FHIT: variants seen among roughly 807,000 people sequenced by gnomAD.
FHIT encodes the protein bis(5'-adenosyl)-triphosphatase.
Under a neutral mutation model 17.9 loss-of-function variants are expected in FHIT, and 19 were observed. The ratio of observed to expected loss-of-function variants is 1.06; its 90% CI spans 0.74 to 1.56. The LOEUF (loss-of-function observed/expected upper bound fraction) is 1.56, where lower values mean the gene tolerates loss of function less well. FHIT is among the 40% of genes most tolerant of loss of function. FHIT has a pLI of 0.00. For missense variants in FHIT, 248 were observed against 189.2 expected (o/e 1.31, Z -1.82); for synonymous variants, 81 against 69.7 (o/e 1.16, Z -0.81).
At chr3:60,333,614 C>G (rs1171299207) in intron 5 of FHIT, among the ~76,000 whole-genome samples, 2 of 152,008 alleles carry the variant, frequency 1.3e-5, no homozygotes, top group African/African-American at 4.8e-5. Context: ...CATATATATA[C>G]TTACTTTCCT....
At chr3:60,591,655 CAT>C (rs1424318047) in intron 4 of FHIT, among the ~76,000 whole-genome samples, 11 of 152,004 alleles carry the variant, frequency 7.2e-5, no homozygotes, top group Admixed American at 2.0e-4. Flanking sequence ...GTAGCTCTTC[CAT>C]ATGTTACACT....
At chr3:60,629,870 T>C (rs1270542724) in intron 4 of FHIT, among the ~76,000 whole-genome samples, 1 of 152,184 alleles carries the variant, frequency 6.6e-6, no homozygotes. Context: ...AGAGCAGGGA[T>C]ACAAACTATT....
chr3:60,048,566 C>A (rs1252446853), intron 5 of FHIT, among the ~76,000 whole-genome samples: 1 of 152,172 alleles, frequency 6.6e-6, no homozygotes, highest in East Asian at 1.9e-4. Context: ...TTTGGGGAAA[C>A]CACAACGCAC....
At chr3:60,953,552 G>C (rs775266743) in intron 3 of FHIT, among the ~76,000 whole-genome samples, 1 of 152,054 alleles carries the variant, frequency 6.6e-6, no homozygotes, top group Non-Finnish European at 1.5e-5. Flanking sequence ...CTGACTAATC[G>C]GAAATGACTG....
intron 3 of FHIT, among the ~76,000 whole-genome samples, chr3:60,862,325 C>G (rs1001668644): frequency 2.6e-5 from 4 of 151,946 alleles, no homozygotes; most frequent in Admixed American, 1.3e-4. Flanking sequence ...ACCACCATGC[C>G]CAGCTAATTT....
chr3:60,828,224 T>C (rs1702194692), intron 3 of FHIT, among the ~76,000 whole-genome samples: 1 of 152,194 alleles, frequency 6.6e-6, no homozygotes, highest in Admixed American at 6.5e-5. Context: ...CATTATCATT[T>C]TAACATTATC....
intron 8 of FHIT, among the ~76,000 whole-genome samples, chr3:59,902,026 G>C (rs1704351391): frequency 6.6e-6 from 1 of 152,126 alleles, no homozygotes; most frequent in African/African-American, 2.4e-5. Context: ...AAATGGGAGA[G>C]CATATTTGGA....
At chr3:60,356,207 T>C (rs938884471) in intron 5 of FHIT, among the ~76,000 whole-genome samples, 1 of 152,232 alleles carries the variant, frequency 6.6e-6, no homozygotes, top group Non-Finnish European at 1.5e-5. Context: ...TGTATCAGCC[T>C]ATAACAACGC....
intron 5 of FHIT, among the ~76,000 whole-genome samples, chr3:60,346,994 T>C (rs1296667904): frequency 6.6e-6 from 1 of 151,782 alleles, no homozygotes; most frequent in Admixed American, 6.6e-5. Flanking sequence ...ATATAATGCT[T>C]ACATGGGAAA....
chr3:59,873,947 C>G (rs556627984), intron 8 of FHIT, among the ~76,000 whole-genome samples: 28 of 152,260 alleles, frequency 1.8e-4, no homozygotes, highest in African/African-American at 6.3e-4. Context: ...TAGTATGAAG[C>G]CTTCAGCTTC....
intron 4 of FHIT, among the ~76,000 whole-genome samples, chr3:60,722,314 G>T (rs2041824992): frequency 1.3e-5 from 2 of 152,188 alleles, no homozygotes; most frequent in Non-Finnish European, 2.9e-5. Flanking sequence ...AATGCATGGA[G>T]AATTTCTCAT....
At chr3:60,881,111 A>C (rs1285882246) in intron 3 of FHIT, among the ~76,000 whole-genome samples, 1 of 152,214 alleles carries the variant, frequency 6.6e-6, no homozygotes, top group African/African-American at 2.4e-5. Context: ...AAGATACTCC[A>C]TGCAAATAAA....
intron 7 of FHIT, among the ~76,000 whole-genome samples, chr3:59,965,206 G>T (rs551774833): frequency 6.6e-6 from 1 of 152,080 alleles, no homozygotes; most frequent in South Asian, 2.1e-4. Context: ...AAATTTGTAG[G>T]GCTTTAAATT....
chr3:60,281,471 G>C lies in FHIT; in HGVS notation c.103+255389C>G, dbSNP rs1235865481. On this transcript the variant is annotated intron_variant, in intron 5 of 9. Transcript: ENST00000492590. ...CAGCGATCAAGACAGCATGGTACTGGTGACAGAATAGGTAAGTGAATCAAA... is the reference window on the plus strand; with the variant it reads ...CAGCGATCAAGACAGCATGGTACTGCTGACAGAATAGGTAAGTGAATCAAA... Among the ~76,000 whole-genome samples, 11 of 152,216 alleles carry C rather than the reference G, an allele frequency of 7.2e-5. 1 individual carries two copies. The East Asian group carries it at 9.7e-4, about 13-fold the overall frequency.
intron 5 of FHIT, among the ~76,000 whole-genome samples, chr3:60,504,220 G>T (rs1343015965): frequency 6.6e-6 from 1 of 152,146 alleles, no homozygotes; most frequent in Non-Finnish European, 1.5e-5. Flanking sequence ...CAGATCATGA[G>T]GTCAGGAGAT....
At chr3:60,336,662 A>C (rs1272696531) in intron 5 of FHIT, among the ~76,000 whole-genome samples, 1 of 152,210 alleles carries the variant, frequency 6.6e-6, no homozygotes, top group African/African-American at 2.4e-5. Context: ...TCAGGTCCTC[A>C]TTGTCCATGA....
intron 5 of FHIT, among the ~76,000 whole-genome samples, chr3:60,055,735 T>C (rs1312543674): frequency 6.6e-6 from 1 of 152,182 alleles, no homozygotes; most frequent in Non-Finnish European, 1.5e-5. Flanking sequence ...ATGCAAACTT[T>C]AGCTCAGAGA....
chr3:60,939,651 G>GA (rs1474132544), intron 3 of FHIT, among the ~76,000 whole-genome samples: 4 of 152,108 alleles, frequency 2.6e-5, no homozygotes, highest in Non-Finnish European at 5.9e-5. Flanking sequence ...AATACTATTA[G>GA]AAAAATGTAG....
intron 4 of FHIT, among the ~76,000 whole-genome samples, chr3:60,664,030 C>T (rs1341215686): frequency 1.3e-5 from 2 of 152,070 alleles, no homozygotes; most frequent in Non-Finnish European, 2.9e-5. Flanking sequence ...CTTTCCAGTA[C>T]TGGTTGAATA....
Sources: allele counts gnomAD v4.1 joint callset (sites outside exome capture counted in the v4.1 genomes callset), GRCh38; gene constraint gnomAD v4.1.1; transcripts MANE v1.5; gene names NCBI Gene and HGNC (gene_info 2026-07-23, HGNC 2026-07-21).